Variants in PCNX2 observed in about 807,000 individuals in gnomAD.
PCNX2 encodes pecanex 2, also known as pecanex-like protein 2.
Under a neutral mutation model 223.8 loss-of-function variants are expected in PCNX2, and 168 were observed. The ratio of observed to expected loss-of-function variants is 0.75; its 90% CI spans 0.66 to 0.85. The LOEUF is 0.85. Ranked by LOEUF, PCNX2 falls within the 40% of genes least tolerant of loss-of-function variation. PCNX2 has a pLI of 0.00. For synonymous variants in PCNX2, 1,006 were observed against 1,052.6 expected, an observed-to-expected ratio of 0.96 and a Z score of 0.86; for missense variants, 2,507 against 2,675.5, an observed-to-expected ratio of 0.94 and a Z score of 1.39.
At chr1:233,322,666 T>C in the PCNX2 span, among the ~76,000 whole-genome samples, 1 of 152,116 alleles carries the variant, frequency 6.6e-6, no homozygotes, top group East Asian at 1.9e-4. Context: ...TGATGAGATT[T>C]GTTTTGGCAG....
intron 23 of PCNX2, among the ~76,000 whole-genome samples, chr1:233,080,003 C>T (rs1254397916): frequency 2.0e-5 from 3 of 152,146 alleles, no homozygotes; most frequent in Non-Finnish European, 4.4e-5. Context: ...CATAGTCTCA[C>T]GAACTTGTTT....
chr1:233,005,626 G>A lies in PCNX2; in HGVS notation c.4953-3945C>T, dbSNP rs942282726. ...TTATCCACAGCACCTTAGAGATCAA[G>A]GCATCCTAAAAGGAAGGTGTTTCAT... On this transcript the variant is annotated intron_variant, in intron 28 of 33. Coordinates refer to ENST00000258229, the MANE Select transcript of PCNX2 (RefSeq NM_014801.4). 2.6e-5 allele frequency among the ~76,000 whole-genome samples: 4 copies of A among 152,204 alleles called. No homozygotes were observed. The East Asian group carries it at 7.7e-4, about 29-fold the overall frequency.
chr1:233,248,481 C>T (rs902390733), intron 8 of PCNX2, among the ~76,000 whole-genome samples: 2 of 151,986 alleles, frequency 1.3e-5, no homozygotes, highest in Non-Finnish European at 2.9e-5. Context: ...TCTAGGGTAA[C>T]GACAGCCGTC....
At position 232,984,278 on chromosome 1, in the gene PCNX2, A is replaced by G; in HGVS notation, c.*26T>C. On this transcript the variant is annotated 3_prime_UTR_variant, in exon 34 of 34. Transcript: ENST00000258229. Reference sequence around the variant, plus strand: ...TGCAGGTGGGAGGTGTGGGGGAGCCAGCCTCCCCGCCCGGCCGCACGCCCG... The same window carrying G: ...TGCAGGTGGGAGGTGTGGGGGAGCCGGCCTCCCCGCCCGGCCGCACGCCCG... 1 of 1,557,578 alleles carries G rather than the reference A, an allele frequency of 6.4e-7. No individual in the cohort carries two copies. Among genetic ancestry groups the G allele is most frequent in the Non-Finnish European group, 8.7e-7 (1 of 1,151,714 alleles).
intron 12 of PCNX2, among the ~76,000 whole-genome samples, chr1:233,217,018 C>G (rs1195619439): frequency 6.6e-6 from 1 of 151,908 alleles, no homozygotes; most frequent in Non-Finnish European, 1.5e-5. Flanking sequence ...AAAGTTGAAC[C>G]CATAGAAAAA....
chr1:233,184,908 C>G (rs145680817), intron 15 of PCNX2, among the ~76,000 whole-genome samples: 1 of 151,804 alleles, frequency 6.6e-6, no homozygotes, highest in Non-Finnish European at 1.5e-5. Context: ...TTTACTTGCC[C>G]AACCTCACAC....
intron 19 of PCNX2, among the ~76,000 whole-genome samples, chr1:233,151,678 A>AT (rs1463580588): frequency 1.5e-3 from 222 of 149,914 alleles, no homozygotes; most frequent in African/African-American, 5.4e-3. Flanking sequence ...TCTTTTATTT[A>AT]TTTATTTATT....
At chr1:233,310,779 G>A in the PCNX2 span, among the ~76,000 whole-genome samples, 13 of 152,172 alleles carry the variant, frequency 8.5e-5, no homozygotes, top group African/African-American at 3.1e-4. Flanking sequence ...TTTGCTTCTG[G>A]TGAGGGCCTC....
At chr1:233,043,304 G>A (rs1671707848) in intron 25 of PCNX2, among the ~76,000 whole-genome samples, 2 of 152,038 alleles carry the variant, frequency 1.3e-5, no homozygotes, top group Admixed American at 1.3e-4. Context: ...TGGTTAAATG[G>A]GATTTACGAT....
intron 23 of PCNX2, among the ~76,000 whole-genome samples, chr1:233,078,948 A>C (rs1673221965): frequency 6.6e-6 from 1 of 152,168 alleles, no homozygotes; most frequent in Non-Finnish European, 1.5e-5. Flanking sequence ...TCAGCAAAAC[A>C]GTGGGATGGG....
At position 233,139,826 on chromosome 1, in the gene PCNX2, G is replaced by C; in HGVS notation, c.3547C>G (p.Leu1183Val). ...DVAHLMWFER[L>V]YVWLQCFEKY... ...TCAAAACACTGAAGCCAAACATAGA[G>C]TCTTTCGAACCACATTAAATGGGCA... Residue 1183 changes from leucine to valine, a missense_variant, in exon 20 of 34, where the codon CTC (leucine) becomes GTC (valine). Leu to Val is a conservative substitution (Grantham distance 32). Around this residue, in one of 3 missense-constraint regions of PCNX2, gnomAD observed 1,372 missense variants for 1,509.4 expected, o/e 0.91. Transcript: ENST00000258229. The surrounding 1 kb of genome is among the most constrained non-coding windows in gnomAD (Gnocchi z 4.4). 6.2e-7 allele frequency: 1 copy of C among 1,613,450 alleles called. No homozygotes were observed. The highest frequency in any genetic ancestry group is 2.2e-5 in the East Asian group (1 of 44,870).
At chr1:233,185,197 T>A (rs969334942) in intron 15 of PCNX2, among the ~76,000 whole-genome samples, 3 of 151,942 alleles carry the variant, frequency 2.0e-5, no homozygotes, top group African/African-American at 7.3e-5. Flanking sequence ...ATTATCAACA[T>A]CATGGGTTAT....
In PCNX2 at chr1:233,218,209, CA is replaced by C. The variant is rs34818026; in HGVS notation, c.2505-26del. ...TCTGTGCAAAATATATACATAAAAG[CA>C]AAAAAAAAAAAAAAAAAAAAAAGTG... On this transcript the variant is annotated intron_variant, in intron 10 of 33. Coordinates refer to ENST00000258229, the MANE Select transcript of PCNX2 (RefSeq NM_014801.4). 1,901 of 274,690 alleles carry C rather than the reference CA, an allele frequency of 6.9e-3. 12 individuals carry two copies. Among genetic ancestry groups the C allele is most frequent in the African/African-American group, 0.054 (1,165 of 21,712 alleles). The allele number at this position is 274,690 out of a possible 1,614,324, so 17.0% of individuals were successfully genotyped here. A position where few individuals can be genotyped will look rare whatever the true frequency, so the allele number is the denominator to read the frequency against.
Position 232,984,361 on chromosome 1 carries a change from C to G in PCNX2, c.6357G>C (p.Gln2119His). ...CCGTGTCGTCCAGGCCCATGTCCTC[C>G]TGGCTTGCTCTCCTGCAGACAACCC... ...TLGVVCRRAS[Q>H]EDMGLDDTAS... The change falls in exon 34 of 34, where the codon CAG becomes CAC. Residue 2119 changes from glutamine to histidine, a missense_variant. By Grantham distance (24) the Gln-to-His change is conservative. This residue lies in a region of PCNX2 where 1,372 missense variants were observed against 1,509.4 expected (regional missense o/e 0.91). Transcript: ENST00000258229. The G allele has an allele frequency of 6.2e-7, 1 of 1,613,606 alleles. No individual in the cohort carries two copies. Among genetic ancestry groups the G allele is most frequent in the Non-Finnish European group, 8.5e-7 (1 of 1,179,804 alleles).
intron 5 of PCNX2, among the ~76,000 whole-genome samples, chr1:233,256,495 A>G (rs1221576489): frequency 1.3e-5 from 2 of 152,176 alleles, no homozygotes; most frequent in African/African-American, 4.8e-5. Flanking sequence ...GAAGGCCTTC[A>G]TGCGCTCTGG....
chr1:233,015,159 C>T (rs1276062120), intron 27 of PCNX2, among the ~76,000 whole-genome samples: 1 of 152,162 alleles, frequency 6.6e-6, no homozygotes. Flanking sequence ...AGAAAAAGAA[C>T]TTGGATCCAA....
intron 1 of PCNX2, among the ~76,000 whole-genome samples, chr1:233,285,691 A>C (rs1347922383): frequency 6.6e-6 from 1 of 152,170 alleles, no homozygotes; most frequent in Non-Finnish European, 1.5e-5. Context: ...ACAAACAAAC[A>C]AACAAACAAA....
chr1:233,133,313 G>A (rs78676605), intron 21 of PCNX2, among the ~76,000 whole-genome samples: 3,013 of 152,294 alleles, frequency 0.02, 38 homozygotes, highest in East Asian at 0.051. Context: ...TATGTGAGAT[G>A]ACAGAAATTG....
At chr1:233,317,945 G>A in the PCNX2 span, among the ~76,000 whole-genome samples, 1 of 152,180 alleles carries the variant, frequency 6.6e-6, no homozygotes, top group South Asian at 2.1e-4. Flanking sequence ...GCTGTTAATC[G>A]CAGTGTTATA....
Sources: allele counts gnomAD v4.1 joint callset (sites outside exome capture counted in the v4.1 genomes callset), GRCh38; gene constraint gnomAD v4.1.1; regional missense constraint gnomAD v4.1.1; non-coding constraint Gnocchi (gnomAD v3.1); transcripts MANE v1.5; gene names NCBI Gene and HGNC (gene_info 2026-07-23, HGNC 2026-07-21).